Variants in VWA3A observed in about 807,000 individuals in gnomAD.
VWA3A encodes von Willebrand factor A domain containing 3A, also known as von Willebrand factor A domain-containing protein 3A.
A neutral mutation model predicts 160.4 loss-of-function variants in VWA3A; 134 were observed. The observed-to-expected ratio is 0.84, with a 90% CI of 0.73 to 0.96. The LOEUF is 0.96. Ranked by LOEUF, VWA3A falls within the 40% of genes least tolerant of loss-of-function variation. The pLI, the probability that VWA3A is intolerant of heterozygous loss-of-function variation, is 0.00. For missense variants in VWA3A, 1,310 were observed against 1,447.9 expected (o/e 0.90, Z 1.55); for synonymous variants, 476 against 543.4 (o/e 0.88, Z 1.72).
intron 30 of VWA3A, 45 bp from the exon 31 acceptor site, chr16:22,152,466 C>A: frequency 6.2e-7 from 1 of 1,605,508 alleles, no homozygotes; most frequent in Non-Finnish European, 8.5e-7. Flanking sequence ...ACGAACTTGC[C>A]TGGTCAGTCA....
chr16:22,111,018 G>A, intron 8 of VWA3A, 24 bp downstream of exon 8: 1 of 1,568,324 alleles, frequency 6.4e-7, no homozygotes, highest in Non-Finnish European at 8.7e-7. Context: ...CTACCTGACG[G>A]TGATGTTCAC....
chr16:22,099,743 C>T (rs1042087028), intron 3 of VWA3A, among the ~76,000 whole-genome samples: 4 of 152,146 alleles, frequency 2.6e-5, no homozygotes, highest in African/African-American at 7.2e-5. Flanking sequence ...CGCTGCACTC[C>T]AGCCTGGGTG....
Position 22,131,733 on chromosome 16 carries a change from G to T in VWA3A, c.1872+4G>T, listed in dbSNP as rs2045953433. On this transcript the variant is annotated splice_donor_region_variant and intron_variant, in intron 19 of 33. Transcript: ENST00000389398. ...GGGCATCCCCGACCAGGACATGGTG[G>T]GTAGGCCACGTCCTGGGTGTCCATT... is the stretch of plus-strand genomic sequence containing the variant. 6.2e-7 allele frequency: 1 copy of T among 1,611,798 alleles called. No homozygotes were observed. The highest frequency in any genetic ancestry group is 8.5e-7 in the Non-Finnish European group (1 of 1,178,740).
chr16:22,151,435 C>T (rs982605100), intron 30 of VWA3A, among the ~76,000 whole-genome samples: 11 of 152,240 alleles, frequency 7.2e-5, no homozygotes, highest in Non-Finnish European at 1.3e-4. Context: ...AAGGGATTCA[C>T]ACAGTCATTT....
intron 1 of VWA3A, 129 bp from the exon 2 acceptor site, chr16:22,096,726 CTAAG>C (rs1474140735): frequency 4.9e-6 from 3 of 613,202 alleles, no homozygotes; most frequent in South Asian, 2.0e-5. Flanking sequence ...GCCTGGGCAA[CTAAG>C]TGAGACCCTA....
At chr16:22,149,964 A>C in intron 29 of VWA3A, 33 bp downstream of exon 29, 1 of 1,579,160 alleles carries the variant, frequency 6.3e-7, no homozygotes. Context: ...ACCTTGACGC[A>C]AAACAAATAC....
At chr16:22,131,350 C>A (rs1005256399) in intron 18 of VWA3A, 71 bp downstream of exon 18, 1 of 1,549,870 alleles carries the variant, frequency 6.5e-7, no homozygotes, top group Non-Finnish European at 8.8e-7. Flanking sequence ...TTCTCTGTCC[C>A]CCTCTCCACC....
At chr16:22,106,377 T>C (rs906877643) in intron 6 of VWA3A, among the ~76,000 whole-genome samples, 1 of 151,756 alleles carries the variant, frequency 6.6e-6, no homozygotes, top group Non-Finnish European at 1.5e-5. Flanking sequence ...AGAGTGAGAC[T>C]CCCTCTCAAA....
chr16:22,122,119 TGATGGATG>T (rs113111289), intron 14 of VWA3A, among the ~76,000 whole-genome samples: 27 of 146,012 alleles, frequency 1.8e-4, no homozygotes, highest in Non-Finnish European at 2.1e-4. Flanking sequence ...AGGAAAAGAA[TGATGGATG>T]GATGGATGGA....
At chr16:22,134,485 T>C (rs1284931202) in intron 21 of VWA3A, 47 bp downstream of exon 21, 1 of 1,486,564 alleles carries the variant, frequency 6.7e-7, no homozygotes, top group Non-Finnish European at 9.1e-7. Flanking sequence ...TTTGTATTCA[T>C]TTCCTGGGGC....
chr16:22,105,217 G>A (rs1249456962), intron 6 of VWA3A, among the ~76,000 whole-genome samples: 3 of 152,080 alleles, frequency 2.0e-5, no homozygotes, highest in East Asian at 1.9e-4. Flanking sequence ...CTCACCCCCC[G>A]ACCTCCACTA....
At chr16:22,149,100 A>T (rs115450922) in intron 28 of VWA3A, among the ~76,000 whole-genome samples, 2 of 151,844 alleles carry the variant, frequency 1.3e-5, no homozygotes, top group Non-Finnish European at 2.9e-5. Context: ...CATTTCATCA[A>T]CTCTCACAAT....
intron 6 of VWA3A, among the ~76,000 whole-genome samples, chr16:22,108,997 A>G (rs1457384418): frequency 6.6e-6 from 1 of 152,198 alleles, no homozygotes; most frequent in Non-Finnish European, 1.5e-5. Flanking sequence ...ATATAGCAAT[A>G]TGCCATCTCA....
At chr16:22,118,754 T>C in intron 11 of VWA3A, 148 bp from the exon 12 acceptor site, 1 of 1,015,048 alleles carries the variant, frequency 9.9e-7, no homozygotes, top group Non-Finnish European at 1.4e-6. Context: ...GCAGGCTCTG[T>C]CTGGCACATG....
intron 23 of VWA3A, 101 bp downstream of exon 23, chr16:22,140,345 T>A: frequency 8.7e-7 from 1 of 1,151,612 alleles, no homozygotes; most frequent in Non-Finnish European, 1.2e-6. Context: ...TGGAAGCTCG[T>A]GCCTATAATC....
At chr16:22,131,836 C>A in intron 19 of VWA3A, 107 bp downstream of exon 19, 1 of 1,417,042 alleles carries the variant, frequency 7.1e-7, no homozygotes, top group Non-Finnish European at 9.4e-7. Context: ...TAAACCAGTG[C>A]TTCTCAAACT....
chr16:22,122,119 T>G (rs1028249092), intron 14 of VWA3A, among the ~76,000 whole-genome samples: 13 of 146,012 alleles, frequency 8.9e-5, no homozygotes, highest in African/African-American at 2.1e-4. Context: ...AGGAAAAGAA[T>G]GATGGATGGA....
chr16:22,131,270 G>C lies in VWA3A; in HGVS notation c.1718G>C (p.Ser573Thr). ...CCCGTGAGTCACAACAATTTACAAA[G>C]TGCCTGGCGGTAGGTTATGGGCAGA... ...MVPVSHNNLQ[S>T]AWRWALNLRC... The change falls in exon 18 of 34, where the codon AGT becomes ACT. Residue 573 changes from serine to threonine, a missense_variant. Physicochemically the swap from Ser to Thr is moderately conservative, Grantham distance 58. Coordinates refer to ENST00000389398, the MANE Select transcript of VWA3A (RefSeq NM_173615.5). 2.5e-6 allele frequency: 4 copies of C among 1,613,966 alleles called. No individual in the cohort carries two copies. The highest frequency in any genetic ancestry group is 3.4e-6 in the Non-Finnish European group (4 of 1,179,892).
chr16:22,152,464 G>A, intron 30 of VWA3A, 47 bp from the exon 31 acceptor site: 1 of 1,604,946 alleles, frequency 6.2e-7, no homozygotes, highest in Non-Finnish European at 8.5e-7. Flanking sequence ...ACACGAACTT[G>A]CCTGGTCAGT....
Sources: gnomAD v4.1 joint callset for allele counts (sites outside exome capture counted in the v4.1 genomes callset) on GRCh38, gnomAD v4.1.1 for gene constraint, MANE v1.5 for transcripts, NCBI Gene and HGNC (gene_info 2026-07-23, HGNC 2026-07-21) for gene names.